Variants in SLC30A7 observed in about 807,000 individuals in gnomAD.
SLC30A7 encodes the protein solute carrier family 30 member 7.
A neutral mutation model predicts 46.0 loss-of-function variants in SLC30A7; 35 were observed. The observed-to-expected ratio is 0.76, with a 90% CI of 0.58 to 1.01. The LOEUF (loss-of-function observed/expected upper bound fraction) is 1.01. Among genes scored for constraint, SLC30A7 ranks in the 50% least tolerant of loss-of-function variants. The pLI, the probability that SLC30A7 is intolerant of heterozygous loss-of-function variation, is 0.00. For synonymous variants in SLC30A7, 147 were observed against 157.8 expected (o/e 0.93, Z 0.51); for missense variants, 464 against 451.1 (o/e 1.03, Z -0.26).
chr1:100,916,642 C>T (rs989188697), intron 6 of SLC30A7, among the ~76,000 whole-genome samples: 4 of 148,778 alleles, frequency 2.7e-5, no homozygotes, highest in Middle Eastern at 3.5e-3. Context: ...TTGAAAGGTA[C>T]AATTAATATT....
At chr1:100,962,081 G>A (rs748977788) in intron 9 of SLC30A7, among the ~76,000 whole-genome samples, 163 bp downstream of exon 9, 24 of 152,080 alleles carry the variant, frequency 1.6e-4, no homozygotes, top group East Asian at 3.8e-4. Flanking sequence ...TAAAATTGTC[G>A]GAAAATATTG....
At chr1:100,941,109 A>G (rs1654319488) in intron 8 of SLC30A7, 2 of 326,828 alleles carry the variant, frequency 6.1e-6, no homozygotes, top group Admixed American at 6.6e-5. Flanking sequence ...CTCCACCACC[A>G]TAGGGGCCAG....
At chr1:100,938,305 G>C (rs1191564070) in intron 8 of SLC30A7, among the ~76,000 whole-genome samples, 2 of 152,140 alleles carry the variant, frequency 1.3e-5, no homozygotes, top group East Asian at 3.9e-4. Flanking sequence ...TCTACCTTTT[G>C]AATACCTCTT....
chr1:100,945,958 C>T (rs943025399), intron 8 of SLC30A7, among the ~76,000 whole-genome samples: 1 of 152,142 alleles, frequency 6.6e-6, no homozygotes, highest in Non-Finnish European at 1.5e-5. Flanking sequence ...CCTCTTATTT[C>T]ATTGAGCAGT....
intron 8 of SLC30A7, among the ~76,000 whole-genome samples, chr1:100,937,061 G>A (rs1001745283): frequency 1.3e-5 from 2 of 152,128 alleles, no homozygotes; most frequent in Non-Finnish European, 1.5e-5. Flanking sequence ...AGGAATGCCT[G>A]TGTAGCTCTT....
intron 9 of SLC30A7, among the ~76,000 whole-genome samples, chr1:100,964,759 G>A (rs763134105): frequency 5.3e-5 from 8 of 152,176 alleles, no homozygotes; most frequent in Non-Finnish European, 8.8e-5. Flanking sequence ...CATTAACAGT[G>A]GAGCTCAGCT....
chr1:100,981,793 C>CA (rs549670823), downstream of SLC30A7: 26 of 152,226 alleles, frequency 1.7e-4, no homozygotes, highest in East Asian at 4.8e-3. Flanking sequence ...CGAACTGAAA[C>CA]AAACACTGTG....
chr1:100,941,042 T>C, intron 8 of SLC30A7: 1 of 337,260 alleles, frequency 3.0e-6, no homozygotes, highest in Admixed American at 3.4e-5. Context: ...CCATAGCTTC[T>C]GCAGCTATTG....
At chr1:100,957,075 A>C (rs1205212636) in intron 8 of SLC30A7, among the ~76,000 whole-genome samples, 1 of 152,162 alleles carries the variant, frequency 6.6e-6, no homozygotes, top group African/African-American at 2.4e-5. Flanking sequence ...CATATAACAG[A>C]TGTTTGTTGA....
chr1:100,961,972 A>AT, intron 9 of SLC30A7, 54 bp downstream of exon 9: 1 of 1,134,302 alleles, frequency 8.8e-7, no homozygotes, highest in South Asian at 1.5e-5. Flanking sequence ...CAATCTCTTG[A>AT]TTTTCAGCTT....
intron 8 of SLC30A7, among the ~76,000 whole-genome samples, chr1:100,945,803 G>T (rs1557998138): frequency 6.6e-6 from 1 of 152,172 alleles, no homozygotes; most frequent in Non-Finnish European, 1.5e-5. Context: ...CTTTCAAGTA[G>T]TTTTTTCCAA....
the SLC30A7 span, among the ~76,000 whole-genome samples, chr1:100,986,775 A>G: frequency 6.6e-6 from 1 of 152,216 alleles, no homozygotes; most frequent in Non-Finnish European, 1.5e-5. Context: ...GGAATGAACT[A>G]GAGGGATGAA....
At chr1:100,923,004 A>ATTTTTTTTTTTTTTTTTT (rs71084855) in intron 8 of SLC30A7, among the ~76,000 whole-genome samples, 1 of 49,110 alleles carries the variant, frequency 2.0e-5, no homozygotes, top group African/African-American at 9.2e-5. Context: ...GTTAGAATAG[A>ATTTTTTTTTTTTTTTTTT]TTTTTTTTTT....
At chr1:100,953,970 T>C (rs923988166) in intron 8 of SLC30A7, among the ~76,000 whole-genome samples, 5 of 152,218 alleles carry the variant, frequency 3.3e-5, no homozygotes, top group African/African-American at 1.2e-4. Flanking sequence ...CTTTTTTAGA[T>C]ATGACTGAAT....
At chr1:100,935,019 T>A (rs1362805690) in intron 8 of SLC30A7, among the ~76,000 whole-genome samples, 1 of 152,040 alleles carries the variant, frequency 6.6e-6, no homozygotes, top group Non-Finnish European at 1.5e-5. Flanking sequence ...GAAAAAAAAA[T>A]TCAGTGCCAT....
At chr1:100,972,362 C>A in intron 10 of SLC30A7, 1 of 224,154 alleles carries the variant, frequency 4.5e-6, no homozygotes, top group Non-Finnish European at 9.7e-6. Context: ...ACTTTTTTTT[C>A]TTTTTTTTTT....
At chr1:100,920,729 C>A (rs1300348181) in intron 7 of SLC30A7, among the ~76,000 whole-genome samples, 1 of 151,924 alleles carries the variant, frequency 6.6e-6, no homozygotes, top group African/African-American at 2.4e-5. Flanking sequence ...TTACAGTTCA[C>A]CCTTTATTGT....
intron 8 of SLC30A7, among the ~76,000 whole-genome samples, chr1:100,949,880 G>A (rs529711090): frequency 6.6e-6 from 1 of 152,356 alleles, no homozygotes; most frequent in East Asian, 1.9e-4. Context: ...AGTGCAGTAT[G>A]TAGGTGGGAG....
chr1:100,955,810 A>G (rs186163397), intron 8 of SLC30A7, among the ~76,000 whole-genome samples: 1 of 152,246 alleles, frequency 6.6e-6, no homozygotes, highest in East Asian at 1.9e-4. Flanking sequence ...GACTCTTTAA[A>G]TTATTATAGA....
Sources: allele counts gnomAD v4.1 joint callset (sites outside exome capture counted in the v4.1 genomes callset), GRCh38; gene constraint gnomAD v4.1.1; transcripts MANE v1.5; gene names NCBI Gene and HGNC (gene_info 2026-07-23, HGNC 2026-07-21).